Variants in ZHX1 observed in about 807,000 individuals in gnomAD.
The protein encoded by ZHX1 is zinc fingers and homeoboxes protein 1.
In ZHX1, 20 loss-of-function variants were observed where a neutral mutation model predicts 61.8. That is an observed-to-expected ratio of 0.32 (90% confidence interval 0.23 to 0.47). The LOEUF (loss-of-function observed/expected upper bound fraction) is 0.47. ZHX1 is among the 20% of genes least tolerant of loss of function. The probability of loss-of-function intolerance (pLI) is 1.00; values close to 1 mark genes in which losing one functional copy is unlikely to be tolerated. For missense variants in ZHX1, 800 were observed against 1,034.8 expected, an observed-to-expected ratio of 0.77 and a Z score of 3.11; for synonymous variants, 318 against 352.6, an observed-to-expected ratio of 0.90 and a Z score of 1.10.
In ZHX1 at chr8:123,254,690, G is replaced by A; in HGVS notation, c.1257C>T (p.Gly419=). The change falls in exon 3 of 4, where the codon GGC becomes GGT. Residue 419 remains glycine (G), a synonymous_variant. Transcript: ENST00000395571. This position sits in a 1 kb window ranked among gnomAD's most constrained non-coding sequence, Gnocchi z 4.1. ...VTAPIALTVA[G]VPSQNNIQKS... ...TCTGTATATTATTTTGACTTGGAAC[G>A]CCTGCCACTGTCAAGGCTATAGGTG... 2 of 1,612,806 alleles carry A rather than the reference G, an allele frequency of 1.2e-6. No homozygotes were observed. Among genetic ancestry groups the A allele is most frequent in the Non-Finnish European group, 1.7e-6 (2 of 1,179,852 alleles).
At chr8:123,271,377 C>T (rs1335364146) in intron 1 of ZHX1, among the ~76,000 whole-genome samples, 1 of 152,050 alleles carries the variant, frequency 6.6e-6, no homozygotes. Flanking sequence ...ATAAACAGTA[C>T]AATAGATAAT....
At chr8:123,265,103 C>T (rs946000843) in intron 2 of ZHX1, among the ~76,000 whole-genome samples, 3 of 150,302 alleles carry the variant, frequency 2.0e-5, no homozygotes, top group African/African-American at 7.3e-5. Flanking sequence ...GCAGGAGAAT[C>T]GCTTGAACCT....
intron 3 of ZHX1, chr8:123,252,735 G>A (rs1301604356): frequency 6.6e-6 from 1 of 152,036 alleles, no homozygotes; most frequent in Non-Finnish European, 1.5e-5. Flanking sequence ...AAAAGATACT[G>A]AGTAATTTCA....
intron 1 of ZHX1, among the ~76,000 whole-genome samples, chr8:123,271,656 T>A (rs1277807151): frequency 1.3e-5 from 2 of 152,094 alleles, no homozygotes; most frequent in Non-Finnish European, 2.9e-5. Context: ...ATATAATACA[T>A]CATAATATAA....
chr8:123,258,761 AG>A (rs1826154766), intron 2 of ZHX1, among the ~76,000 whole-genome samples: 1 of 152,226 alleles, frequency 6.6e-6, no homozygotes, highest in South Asian at 2.1e-4. Flanking sequence ...AAAATGAATT[AG>A]GATCATAAAA....
At chr8:123,263,796 T>C (rs1253095277) in intron 2 of ZHX1, among the ~76,000 whole-genome samples, 1 of 151,742 alleles carries the variant, frequency 6.6e-6, no homozygotes, top group African/African-American at 2.4e-5. Context: ...ATCGCGCCAC[T>C]GCACTCCAGC....
chr8:123,257,854 A>G (rs1472911100), intron 2 of ZHX1, among the ~76,000 whole-genome samples: 1 of 151,454 alleles, frequency 6.6e-6, no homozygotes, highest in African/African-American at 2.4e-5. Context: ...GGGGTTGGGG[A>G]CCCCTACTAG....
At chr8:123,270,657 A>G (rs1826619997) in intron 1 of ZHX1, among the ~76,000 whole-genome samples, 1 of 151,698 alleles carries the variant, frequency 6.6e-6, no homozygotes, top group African/African-American at 2.4e-5. Flanking sequence ...TGGGTGACAC[A>G]TGACTGTAGT....
intron 2 of ZHX1, among the ~76,000 whole-genome samples, chr8:123,261,874 G>C (rs1334115084): frequency 6.6e-6 from 1 of 152,084 alleles, no homozygotes; most frequent in Non-Finnish European, 1.5e-5. Flanking sequence ...AAAAGTAAAA[G>C]TAAAAATACA....
At chr8:123,269,779 G>C (rs189246273) in intron 1 of ZHX1, among the ~76,000 whole-genome samples, 1 of 152,306 alleles carries the variant, frequency 6.6e-6, no homozygotes, top group African/African-American at 2.4e-5. Context: ...TTGGTACTTA[G>C]AACACAATGA....
chr8:123,255,818 T>G lies in ZHX1; in HGVS notation c.129A>C (p.Ala43=). The G allele has an allele frequency of 6.2e-7, 1 of 1,614,208 alleles. No homozygotes were observed. The highest frequency in any genetic ancestry group is 1.1e-5 in the South Asian group (1 of 91,080). Residue 43 remains alanine (A), a synonymous_variant, in exon 3 of 4, where the codon GCA becomes GCC. Coordinates refer to ENST00000395571, the MANE Select transcript of ZHX1 (RefSeq NM_007222.5). ...CCTCTTCATCACTTGAGATACTCTC[T>G]GCTCTGGTGTTTTCTACAGGTGTAA... ...PVLTPVENTR[A]ESISSDEEVH...
chr8:123,261,817 T>C (rs982298644), intron 2 of ZHX1, among the ~76,000 whole-genome samples: 11 of 151,910 alleles, frequency 7.2e-5, no homozygotes, highest in Non-Finnish European at 1.6e-4. Flanking sequence ...ATTCTCTCAC[T>C]TTTTTTTAGC....
chr8:123,254,636 AG>A lies in ZHX1; in HGVS notation c.1310del (p.Thr437MetfsTer24). ...QKSQVPAAQP[T>X]AETKPATAAV... ...CTGCTGTTGCTGGCTTTGTTTCTGC[AG>A]TAGGCTGAGCAGCAGGTACCTGACT... On this transcript the variant is annotated frameshift_variant, in exon 3 of 4. Coordinates refer to ENST00000395571, the MANE Select transcript of ZHX1 (RefSeq NM_007222.5). LOFTEE classifies it high-confidence loss of function. This position sits in a 1 kb window ranked among gnomAD's most constrained non-coding sequence, Gnocchi z 4.1. 6.2e-7 allele frequency: 1 copy of A among 1,614,198 alleles called. No homozygotes were observed. Among genetic ancestry groups the A allele is most frequent in the Non-Finnish European group, 8.5e-7 (1 of 1,180,042 alleles).
intron 2 of ZHX1, among the ~76,000 whole-genome samples, chr8:123,265,585 A>G (rs1034010117): frequency 2.6e-5 from 4 of 152,364 alleles, no homozygotes; most frequent in Admixed American, 6.5e-5. Flanking sequence ...AAATGTAAAA[A>G]TAAAAATAAA....
chr8:123,260,637 T>C (rs943773587), intron 2 of ZHX1, among the ~76,000 whole-genome samples: 1 of 151,360 alleles, frequency 6.6e-6, no homozygotes, highest in Non-Finnish European at 1.5e-5. Context: ...CACATATATA[T>C]ATAGAGAGAG....
At chr8:123,251,141 C>A (rs1426168841) in intron 3 of ZHX1, among the ~76,000 whole-genome samples, 1 of 152,128 alleles carries the variant, frequency 6.6e-6, no homozygotes, top group African/African-American at 2.4e-5. Context: ...CTCAGGAGAT[C>A]TGGTTGTTTG....
chr8:123,265,135 G>A (rs1826415270), intron 2 of ZHX1, among the ~76,000 whole-genome samples: 1 of 149,852 alleles, frequency 6.7e-6, no homozygotes, highest in African/African-American at 2.5e-5. Flanking sequence ...GTTGCAGTAA[G>A]CCGAGATTGC....
At chr8:123,258,072 T>C (rs1346419540) in intron 2 of ZHX1, among the ~76,000 whole-genome samples, 1 of 152,220 alleles carries the variant, frequency 6.6e-6, no homozygotes, top group Non-Finnish European at 1.5e-5. Context: ...AATCTCATGT[T>C]GAAATTCGAT....
chr8:123,272,222 T>C (rs73341740), intron 1 of ZHX1, among the ~76,000 whole-genome samples: 40 of 152,360 alleles, frequency 2.6e-4, no homozygotes, highest in African/African-American at 9.6e-4. Flanking sequence ...AGTATTACCC[T>C]TTCTCATTTT....
Sources: allele counts gnomAD v4.1 joint callset (sites outside exome capture counted in the v4.1 genomes callset), GRCh38; gene constraint gnomAD v4.1.1; non-coding constraint Gnocchi (gnomAD v3.1); transcripts MANE v1.5; gene names NCBI Gene and HGNC (gene_info 2026-07-23, HGNC 2026-07-21).